Variants in FBXW7 observed in about 807,000 individuals in gnomAD.
FBXW7 encodes the protein F-box and WD repeat domain containing 7.
FBXW7 carries 11 observed loss-of-function variants against 86.3 expected under a neutral mutation model. The observed-to-expected ratio is 0.13, with a 90% CI of 0.08 to 0.21. The LOEUF (loss-of-function observed/expected upper bound fraction) is 0.21. FBXW7 is among the 10% of genes least tolerant of loss of function. The pLI is 1.00. For synonymous variants in FBXW7, 313 were observed against 297.9 expected (o/e 1.05, Z -0.52); for missense variants, 488 against 847.4 (o/e 0.58, Z 5.27).
intron 4 of FBXW7, among the ~76,000 whole-genome samples, chr4:152,383,820 C>A (rs75212151): frequency 0.014 from 2,057 of 152,180 alleles, 25 homozygotes; most frequent in Non-Finnish European, 0.02. Flanking sequence ...TTCTCTTATA[C>A]CACAATTTAA....
At chr4:152,355,224 C>T (rs1456944605) in intron 4 of FBXW7, among the ~76,000 whole-genome samples, 1 of 151,936 alleles carries the variant, frequency 6.6e-6, no homozygotes, top group East Asian at 1.9e-4. Context: ...TTATACCACT[C>T]GGCTAAAATA....
At chr4:152,422,935 T>C (rs1024386943) in intron 2 of FBXW7, among the ~76,000 whole-genome samples, 1 of 152,238 alleles carries the variant, frequency 6.6e-6, no homozygotes, top group South Asian at 2.1e-4. Context: ...TTCCATTCTT[T>C]TCTTTTTCTT....
intron 2 of FBXW7, among the ~76,000 whole-genome samples, chr4:152,437,154 C>T (rs2676337): frequency 0.47 from 71,823 of 152,044 alleles, 20,216 homozygotes; most frequent in African/African-American, 0.79. Flanking sequence ...TTAAGAATAT[C>T]TGTGTTTCAC....
intron 5 of FBXW7, chr4:152,348,862 C>CA (rs967070401): frequency 1.0e-5 from 2 of 194,966 alleles, no homozygotes; most frequent in African/African-American, 4.8e-5. Flanking sequence ...GTGGAAGTGC[C>CA]AAAACACAGT....
chr4:152,375,719 G>T (rs984711216), intron 4 of FBXW7, among the ~76,000 whole-genome samples: 4 of 151,988 alleles, frequency 2.6e-5, no homozygotes, highest in Non-Finnish European at 5.9e-5. Flanking sequence ...TTTGCCATAA[G>T]AATAAATGTG....
At chr4:152,351,013 G>A (rs1183368066) in intron 4 of FBXW7, among the ~76,000 whole-genome samples, 2 of 151,956 alleles carry the variant, frequency 1.3e-5, no homozygotes, top group Middle Eastern at 3.4e-3. Flanking sequence ...ATAAAATCTG[G>A]TAAGATTTGA....
rs1406731093 is a variant in FBXW7, at chr4:152,420,285, A to C, written c.-119-7756T>G. ...TTATCTTGAGATTTCAGCAATTGTC[A>C]CGCTGTGTCAAGTTCTACTTCTACT... On this transcript the variant is annotated intron_variant, in intron 2 of 13. Coordinates refer to ENST00000281708, the MANE Select transcript of FBXW7 (RefSeq NM_001349798.2). Among the ~76,000 whole-genome samples, 3 of 152,312 alleles carry C rather than the reference A, an allele frequency of 2.0e-5. 1 individual carries two copies. In the East Asian group the frequency reaches 5.8e-4, roughly 29 times the overall value.
intron 2 of FBXW7, among the ~76,000 whole-genome samples, chr4:152,502,738 G>C (rs1560975491): frequency 6.6e-6 from 1 of 152,100 alleles, no homozygotes; most frequent in Non-Finnish European, 1.5e-5. Flanking sequence ...AGGTATGCTA[G>C]AAATTTTCTA....
At chr4:152,417,549 C>G (rs893626847) in intron 2 of FBXW7, among the ~76,000 whole-genome samples, 7 of 152,030 alleles carry the variant, frequency 4.6e-5, no homozygotes, top group African/African-American at 1.7e-4. Flanking sequence ...AACAAGGGGG[C>G]AAGGTGGCAA....
At chr4:152,529,773 G>T (rs1251301245) in intron 2 of FBXW7, among the ~76,000 whole-genome samples, 1 of 152,084 alleles carries the variant, frequency 6.6e-6, no homozygotes, top group Non-Finnish European at 1.5e-5. Flanking sequence ...TAAGAGACCA[G>T]CCTGGGCAAC....
At chr4:152,415,595 A>G (rs549073380) in intron 2 of FBXW7, among the ~76,000 whole-genome samples, 11 of 152,212 alleles carry the variant, frequency 7.2e-5, no homozygotes, top group African/African-American at 2.6e-4. Context: ...TGCATGATGA[A>G]ATAAGTTTTA....
intron 4 of FBXW7, among the ~76,000 whole-genome samples, chr4:152,362,939 A>T (rs1424744919): frequency 1.3e-5 from 2 of 152,056 alleles, no homozygotes; most frequent in Non-Finnish European, 2.9e-5. Context: ...GATTAAAATT[A>T]AGTGGTATTT....
In FBXW7 at chr4:152,324,204, T is replaced by C. The variant is rs1728802332; in HGVS notation, c.1835A>G (p.Gln612Arg). ...CTTACCTTGCAATGTTTGTAAACACTGTCCTGTTTTGATATCCCAGATTTT... is the reference window on the plus strand; with the variant it reads ...CTTACCTTGCAATGTTTGTAAACACCGTCCTGTTTTGATATCCCAGATTTT... ...TVKIWDIKTG[Q>R]CLQTLQGPNK... The change falls in exon 13 of 14, where the codon CAG becomes CGG. Residue 612 changes from glutamine (Q) to arginine (R), a missense_variant. By Grantham distance (43) the Gln-to-Arg change is conservative. Coordinates refer to ENST00000281708, the MANE Select transcript of FBXW7 (RefSeq NM_001349798.2). The C allele has an allele frequency of 6.2e-7, 1 of 1,611,650 alleles. No homozygotes were observed. Among genetic ancestry groups the C allele is most frequent in the Non-Finnish European group, 8.5e-7 (1 of 1,179,108 alleles).
intron 2 of FBXW7, among the ~76,000 whole-genome samples, chr4:152,441,031 A>G (rs1037607885): frequency 6.6e-6 from 1 of 152,162 alleles, no homozygotes; most frequent in Non-Finnish European, 1.5e-5. Context: ...TGAAATAAAA[A>G]CATTGATCAA....
intron 2 of FBXW7, among the ~76,000 whole-genome samples, chr4:152,430,178 C>T (rs568550375): frequency 3.3e-5 from 5 of 152,298 alleles, no homozygotes; most frequent in South Asian, 4.1e-4. Context: ...GTTCTCTGAA[C>T]GGCTGAGTTT....
rs1206379094 is a variant in FBXW7 at position 152,411,747 on chromosome 4, CAG to C, written c.55_56del (p.Leu19GlufsTer3). 6.2e-7 allele frequency: 1 copy of C among 1,613,568 alleles called. No homozygotes were observed. The highest frequency in any genetic ancestry group is 1.7e-5 in the Admixed American group (1 of 59,886). ...CCTGGCTTGAGGAAGGGTTACCTCT[CAG>C]AGAGCCTCCAGTTCGTCGTCTTTTG... ...GSKRRRTGGS[L>X]RGNPSSSQVD... On this transcript the variant is annotated frameshift_variant, in exon 4 of 14. Transcript: ENST00000281708. LOFTEE classifies it high-confidence loss of function.
chr4:152,436,526 G>A (rs78260573), intron 2 of FBXW7, among the ~76,000 whole-genome samples: 284 of 152,332 alleles, frequency 1.9e-3, no homozygotes, highest in African/African-American at 6.5e-3. Flanking sequence ...GATCACTGAC[G>A]AAGGTGGCTA....
At chr4:152,467,322 T>C (rs1246995360) in intron 2 of FBXW7, among the ~76,000 whole-genome samples, 1 of 152,158 alleles carries the variant, frequency 6.6e-6, no homozygotes, top group African/African-American at 2.4e-5. Context: ...GCTGTCACCA[T>C]GTGTTTGGTT....
chr4:152,513,076 G>C (rs909045260), intron 2 of FBXW7, among the ~76,000 whole-genome samples: 44 of 152,102 alleles, frequency 2.9e-4, no homozygotes, highest in Admixed American at 3.9e-4. Flanking sequence ...TGGCCAGGCT[G>C]GTCTCGAACC....
Sources: gnomAD v4.1 joint callset for allele counts (sites outside exome capture counted in the v4.1 genomes callset) on GRCh38, gnomAD v4.1.1 for gene constraint, MANE v1.5 for transcripts, NCBI Gene and HGNC (gene_info 2026-07-23, HGNC 2026-07-21) for gene names.